DIPK1A: variants seen among roughly 807,000 people sequenced by gnomAD.
The protein encoded by DIPK1A is family with sequence similarity 69 member A.
DIPK1A carries 27 observed loss-of-function variants against 40.8 expected under a neutral mutation model. The observed-to-expected ratio is 0.66, with a 90% CI of 0.49 to 0.91. The LOEUF is 0.91. Among genes scored for constraint, DIPK1A ranks in the 40% least tolerant of loss-of-function variants. The pLI is 0.00. For synonymous variants in DIPK1A, 166 were observed against 171.3 expected (o/e 0.97, Z 0.24); for missense variants, 412 against 505.7 (o/e 0.81, Z 1.78).
intron 4 of DIPK1A, chr1:92,846,657 C>G: frequency 5.1e-6 from 2 of 392,192 alleles, no homozygotes; most frequent in Non-Finnish European, 5.0e-6. Context: ...GAAACAGGGT[C>G]TCACTTTGTC....
intron 1 of DIPK1A, among the ~76,000 whole-genome samples, chr1:92,923,225 G>A (rs1433803471): frequency 6.6e-6 from 1 of 152,136 alleles, no homozygotes; most frequent in Admixed American, 6.5e-5. Flanking sequence ...TGCAACCTCT[G>A]CCTCCTGGGT....
At chr1:92,887,030 C>A (rs1348745116) in intron 1 of DIPK1A, among the ~76,000 whole-genome samples, 2 of 152,024 alleles carry the variant, frequency 1.3e-5, no homozygotes, top group African/African-American at 4.8e-5. Context: ...TTCTCTCCCA[C>A]CGCCTCACCT....
intron 1 of DIPK1A, among the ~76,000 whole-genome samples, chr1:92,918,189 G>A (rs770416674): frequency 6.6e-5 from 10 of 151,702 alleles, no homozygotes; most frequent in East Asian, 1.9e-4. Context: ...TCACTCTGTC[G>A]CCCAGGCTGG....
intron 1 of DIPK1A, among the ~76,000 whole-genome samples, chr1:92,921,232 C>T (rs1650257547): frequency 6.6e-6 from 1 of 152,112 alleles, no homozygotes; most frequent in African/African-American, 2.4e-5. Context: ...AATTTCAGCC[C>T]TCAGACACTG....
intron 1 of DIPK1A, among the ~76,000 whole-genome samples, chr1:92,896,121 C>A (rs1286194167): frequency 1.3e-5 from 2 of 152,164 alleles, no homozygotes; most frequent in African/African-American, 4.8e-5. Flanking sequence ...ATCAAGCTAC[C>A]AATGACTTTC....
At chr1:92,833,428 A>C in intron 4 of DIPK1A, 1 of 1,614,054 alleles carries the variant, frequency 6.2e-7, no homozygotes, top group Non-Finnish European at 8.5e-7. Context: ...CTACTTTAAG[A>C]GATACCAAGT....
chr1:92,927,364 GTTTTTTT>G (rs61508867), intron 1 of DIPK1A, among the ~76,000 whole-genome samples: 16 of 104,670 alleles, frequency 1.5e-4, no homozygotes, highest in Non-Finnish European at 2.1e-4. Flanking sequence ...CAATTTTGTT[GTTTTTTT>G]TTTTTTTTTT....
intron 2 of DIPK1A, among the ~76,000 whole-genome samples, chr1:92,872,516 T>G (rs888764472): frequency 6.6e-6 from 1 of 152,228 alleles, no homozygotes; most frequent in Admixed American, 6.5e-5. Context: ...ACTCTTAATA[T>G]CTGGATCATC....
intron 4 of DIPK1A, chr1:92,833,578 T>C (rs1294471544): frequency 1.2e-6 from 2 of 1,613,586 alleles, no homozygotes; most frequent in Non-Finnish European, 1.7e-6. Flanking sequence ...CGGAAACGCT[T>C]GGTGATACAA....
intron 4 of DIPK1A, chr1:92,845,535 T>G: frequency 3.4e-6 from 1 of 290,438 alleles, no homozygotes; most frequent in Admixed American, 4.6e-5. Context: ...AAAAACCGTC[T>G]CTGCTGAAAA....
chr1:92,852,950 G>T (rs781347260), intron 2 of DIPK1A, among the ~76,000 whole-genome samples: 2 of 152,104 alleles, frequency 1.3e-5, no homozygotes, highest in African/African-American at 4.8e-5. Flanking sequence ...GCTGAGGTAG[G>T]AGGATCGCTT....
chr1:92,937,447 G>T (rs746041457), intron 1 of DIPK1A, among the ~76,000 whole-genome samples: 1 of 152,102 alleles, frequency 6.6e-6, no homozygotes, highest in African/African-American at 2.4e-5. Flanking sequence ...CTTTCAATTT[G>T]TGGGGATCAC....
intron 2 of DIPK1A, among the ~76,000 whole-genome samples, chr1:92,872,617 G>A (rs1437707887): frequency 6.6e-6 from 1 of 152,076 alleles, no homozygotes; most frequent in Non-Finnish European, 1.5e-5. Flanking sequence ...TTTACATAAT[G>A]TCTCCAGAGA....
intron 1 of DIPK1A, among the ~76,000 whole-genome samples, chr1:92,905,750 T>C (rs1649595172): frequency 6.6e-6 from 1 of 152,180 alleles, no homozygotes; most frequent in Non-Finnish European, 1.5e-5. Flanking sequence ...AGTTTCATAA[T>C]TTCAGGTATT....
At chr1:92,926,727 T>C (rs1367776201) in intron 1 of DIPK1A, among the ~76,000 whole-genome samples, 2 of 152,234 alleles carry the variant, frequency 1.3e-5, no homozygotes, top group Non-Finnish European at 2.9e-5. Flanking sequence ...CTTTCTGATA[T>C]ATTGAGTTTT....
chr1:92,873,682 G>A (rs1248386378), intron 2 of DIPK1A, among the ~76,000 whole-genome samples: 2 of 151,374 alleles, frequency 1.3e-5, no homozygotes, highest in Non-Finnish European at 2.9e-5. Flanking sequence ...TATCTTGTTA[G>A]CACTTTGAGG....
chr1:92,902,489 C>A (rs1425384248), intron 1 of DIPK1A, among the ~76,000 whole-genome samples: 1 of 152,162 alleles, frequency 6.6e-6, no homozygotes, highest in Non-Finnish European at 1.5e-5. Context: ...AGTGCAGTAG[C>A]CATGAGGCCC....
chr1:92,911,697 T>A (rs1649831194), intron 1 of DIPK1A, among the ~76,000 whole-genome samples: 1 of 152,078 alleles, frequency 6.6e-6, no homozygotes, highest in Admixed American at 6.6e-5. Context: ...AATTGCTGGG[T>A]CATATGAAAG....
rs113474701 is a variant in DIPK1A, at chr1:92,878,820, A to AAAACAAAC, written c.55-2398_55-2391dup. On this transcript the variant is annotated intron_variant, in intron 1 of 4. Coordinates refer to ENST00000370310, the MANE Select transcript of DIPK1A (RefSeq NM_001006605.5). ...TGGGCGACAGCGAGACTCTGTCTCA[A>AAAACAAAC]AAACAAACAAACAAACAAACAAACA... Among the ~76,000 whole-genome samples, 1,450 of 145,898 alleles carry AAAACAAAC rather than the reference A, an allele frequency of 9.9e-3. 9 individuals carry two copies. The highest frequency in any genetic ancestry group is 0.025 in the South Asian group (114 of 4,494).
Sources: gnomAD v4.1 joint callset for allele counts (sites outside exome capture counted in the v4.1 genomes callset) on GRCh38, gnomAD v4.1.1 for gene constraint, MANE v1.5 for transcripts, NCBI Gene and HGNC (gene_info 2026-07-23, HGNC 2026-07-21) for gene names.